The following PAX8 variants were observed in gnomAD, a reference collection of about 807,000 sequenced individuals.
PAX8 encodes the protein paired box 8.
A neutral mutation model predicts 52.4 loss-of-function variants in PAX8; 15 were observed. The ratio of observed to expected loss-of-function variants is 0.29; its 90% CI spans 0.19 to 0.44. The LOEUF (loss-of-function observed/expected upper bound fraction) is 0.44. PAX8 is among the 20% of genes least tolerant of loss of function. PAX8 has a pLI of 1.00. For synonymous variants in PAX8, 284 were observed against 249.7 expected (o/e 1.14, Z -1.29); for missense variants, 554 against 602.5 (o/e 0.92, Z 0.84).
intron 2 of PAX8, chr2:113,269,783 AAAAC>A (rs1011935375): frequency 1.3e-5 from 2 of 152,230 alleles, no homozygotes; most frequent in African/African-American, 4.8e-5. Flanking sequence ...GTGTCAATTA[AAAAC>A]AAGTACCCCA....
At chr2:113,247,213 T>A (rs1284746428) in intron 2 of PAX8, among the ~76,000 whole-genome samples, 1 of 152,198 alleles carries the variant, frequency 6.6e-6, no homozygotes. Context: ...CAATCCCCTA[T>A]TTTCTTCCCT....
chr2:113,268,710 G>A (rs1395506877), intron 2 of PAX8: 2 of 152,552 alleles, frequency 1.3e-5, no homozygotes, highest in Non-Finnish European at 2.9e-5. Flanking sequence ...CAGCTTCATG[G>A]GGAGGTGGCT....
intron 9 of PAX8, among the ~76,000 whole-genome samples, chr2:113,227,691 G>T (rs532798921): frequency 6.6e-6 from 1 of 152,108 alleles, no homozygotes; most frequent in African/African-American, 2.4e-5. Context: ...TTTCATTCCC[G>T]GCTCTGAGGA....
chr2:113,273,320 T>C (rs1443527311), intron 2 of PAX8: 1 of 152,266 alleles, frequency 6.6e-6, no homozygotes, highest in Admixed American at 6.5e-5. Flanking sequence ...CTTAGCTAGC[T>C]GTGCCCCAGA....
intron 10 of PAX8, chr2:113,226,911 T>C (rs1022167940): frequency 1.1e-5 from 16 of 1,402,904 alleles, no homozygotes; most frequent in African/African-American, 7.1e-5. Flanking sequence ...CTTTTCATCA[T>C]GGAGGGTAAT....
chr2:113,227,321 C>G (rs1689642103), intron 9 of PAX8, 65 bp from the exon 10 acceptor site: 2 of 1,297,780 alleles, frequency 1.5e-6, no homozygotes, highest in Middle Eastern at 2.6e-4. Context: ...TCATCTCACT[C>G]TCCTGAGGCT....
intron 2 of PAX8, among the ~76,000 whole-genome samples, chr2:113,264,655 G>T (rs573124663): frequency 2.0e-5 from 3 of 152,346 alleles, no homozygotes; most frequent in South Asian, 4.1e-4. Flanking sequence ...TCAGAGGCAG[G>T]TTGTCACTGT....
intron 10 of PAX8, chr2:113,226,031 C>A (rs890876946): frequency 9.1e-6 from 9 of 985,620 alleles, no homozygotes; most frequent in Non-Finnish European, 8.4e-6. Context: ...CACATCGCCA[C>A]GGTAACCAGG....
Position 113,216,471 on chromosome 2 carries a change from G to T in PAX8, c.*2062C>A. The T allele has an allele frequency of 4.3e-6, 1 of 231,038 alleles. No homozygotes were observed. Among genetic ancestry groups the T allele is most frequent in the Non-Finnish European group, 8.6e-6 (1 of 116,744 alleles). 14.3% of individuals were successfully genotyped at this position (231,038 alleles called of 1,614,324 possible). The stretch of plus-strand genomic sequence containing the variant: ...TGTCCAGCTGCCCATATTCACCTGG[G>T]CATCCCAGCTGCAGGCCCCTGCCCC... On this transcript the variant is annotated 3_prime_UTR_variant, in exon 12 of 12. Transcript: ENST00000429538.
At chr2:113,228,938 T>C (rs1426103456) in intron 9 of PAX8, among the ~76,000 whole-genome samples, 1 of 152,228 alleles carries the variant, frequency 6.6e-6, no homozygotes, top group Non-Finnish European at 1.5e-5. Context: ...TTCTGGAGAT[T>C]CCCCAAAGAC....
chr2:113,232,513 T>A (rs1427748973), intron 9 of PAX8, among the ~76,000 whole-genome samples: 1 of 152,206 alleles, frequency 6.6e-6, no homozygotes, highest in Non-Finnish European at 1.5e-5. Context: ...GTGCTGCATA[T>A]TTGGCTGCCT....
chr2:113,226,015 A>G, intron 10 of PAX8: 1 of 985,734 alleles, frequency 1.0e-6, no homozygotes, highest in South Asian at 4.7e-5. Flanking sequence ...TCAACGCTGC[A>G]TTAAGCACAT....
At chr2:113,276,588 C>G (rs1693828888) in intron 2 of PAX8, 1 of 151,944 alleles carries the variant, frequency 6.6e-6, no homozygotes, top group Non-Finnish European at 1.5e-5. Context: ...TAAATTGTGC[C>G]TTTATTTATT....
chr2:113,253,293 T>C (rs1010958946), intron 2 of PAX8, among the ~76,000 whole-genome samples: 1 of 152,208 alleles, frequency 6.6e-6, no homozygotes, highest in African/African-American at 2.4e-5. Flanking sequence ...CTTATTGTCA[T>C]ACCTACTACC....
intron 2 of PAX8, among the ~76,000 whole-genome samples, chr2:113,253,545 C>T (rs988002998): frequency 1.3e-5 from 2 of 152,192 alleles, no homozygotes; most frequent in Non-Finnish European, 2.9e-5. Context: ...TCTGCACAAC[C>T]TTGGAAGTAA....
At chr2:113,230,288 C>A (rs1689811073) in intron 9 of PAX8, among the ~76,000 whole-genome samples, 1 of 152,248 alleles carries the variant, frequency 6.6e-6, no homozygotes. Flanking sequence ...TGCCTTCATC[C>A]TGTTCCTTCT....
In PAX8 at chr2:113,235,386, T is replaced by A. The variant is rs1307223785; in HGVS notation, c.1087+8A>T. On this transcript the variant is annotated splice_region_variant and intron_variant, in intron 9 of 11. Transcript: ENST00000429538. ...TAGCTGCATGGCCCCGGGACCTCCC[T>A]GTCGTACCTGAGAGGAGGGCCTGGC... 2 of 1,564,900 alleles carry A rather than the reference T, an allele frequency of 1.3e-6. No homozygotes were observed. The highest frequency in any genetic ancestry group is 2.4e-5 in the East Asian group (1 of 42,084).
At chr2:113,235,325 G>A (rs1478878647) in intron 9 of PAX8, 69 bp downstream of exon 9, 3 of 1,334,000 alleles carry the variant, frequency 2.2e-6, no homozygotes, top group Non-Finnish European at 3.1e-6. Context: ...GGGGGCTGGC[G>A]GTCTGCCCTG....
At chr2:113,242,213 A>T in intron 5 of PAX8, 83 bp from the exon 6 acceptor site, 1 of 1,141,986 alleles carries the variant, frequency 8.8e-7, no homozygotes. Flanking sequence ...GTTACAGTTG[A>T]GCTGGGGACT....
Sources: gnomAD v4.1 joint callset for allele counts (sites outside exome capture counted in the v4.1 genomes callset) on GRCh38, gnomAD v4.1.1 for gene constraint, MANE v1.5 for transcripts, NCBI Gene and HGNC (gene_info 2026-07-23, HGNC 2026-07-21) for gene names.